Variants in HIVEP1 observed in about 807,000 individuals in gnomAD.
HIVEP1 encodes the protein zinc finger protein 40.
In HIVEP1, 36 loss-of-function variants were observed where a neutral mutation model predicts 180.0. That is an observed-to-expected ratio of 0.20 (90% CI 0.15 to 0.26). HIVEP1 has a LOEUF of 0.26. Among genes scored for constraint, HIVEP1 ranks in the 10% least tolerant of loss-of-function variants. The pLI is 1.00. For synonymous variants in HIVEP1, 1,239 were observed against 1,239.0 expected (o/e 1.00, Z 0.00); for missense variants, 3,143 against 3,268.7 (o/e 0.96, Z 0.94).
At chr6:12,111,639 T>A (rs1397000117) in intron 3 of HIVEP1, among the ~76,000 whole-genome samples, 1 of 152,272 alleles carries the variant, frequency 6.6e-6, no homozygotes, top group Admixed American at 6.5e-5. Flanking sequence ...TTTCTCCGTC[T>A]TGAAAGCCAG....
chr6:12,019,953 G>T (rs1768078126), intron 2 of HIVEP1, among the ~76,000 whole-genome samples: 1 of 152,204 alleles, frequency 6.6e-6, no homozygotes, highest in African/African-American at 2.4e-5. Flanking sequence ...ATCTATCATG[G>T]AAGAGTATAG....
chr6:12,152,297 A>G (rs1434765699), intron 7 of HIVEP1, among the ~76,000 whole-genome samples: 1 of 152,188 alleles, frequency 6.6e-6, no homozygotes, highest in Non-Finnish European at 1.5e-5. Context: ...TGAGTCCATA[A>G]CAAGTCCTCG....
At chr6:12,099,183 G>GGTTTTTTTTTTTT (rs373744044) in intron 3 of HIVEP1, among the ~76,000 whole-genome samples, 10 of 138,440 alleles carry the variant, frequency 7.2e-5, no homozygotes, top group African/African-American at 2.7e-4. Flanking sequence ...ATGTCACTGA[G>GGTTTTTTTTTTTT]TTTTTTTTTT....
At chr6:12,051,012 A>ATATATATG (rs1475918729) in intron 2 of HIVEP1, among the ~76,000 whole-genome samples, 1 of 124,946 alleles carries the variant, frequency 8.0e-6, no homozygotes, top group Non-Finnish European at 1.6e-5. Context: ...ATATATATAT[A>ATATATATG]TATATATATA....
chr6:12,159,734 T>C (rs1385736773), intron 7 of HIVEP1, among the ~76,000 whole-genome samples: 1 of 152,230 alleles, frequency 6.6e-6, no homozygotes, highest in Non-Finnish European at 1.5e-5. Context: ...TCATTACTTA[T>C]TTTACAGCAT....
downstream of HIVEP1, among the ~76,000 whole-genome samples, chr6:12,167,636 TATACATATACATATATATGTTATATA>T (rs1562023579): frequency 1.5e-4 from 4 of 27,546 alleles, 1 homozygote; most frequent in East Asian, 1.4e-3. Flanking sequence ...ACATGTTATA[TATACATATACATATATATGTTATATA>T]TACATATATA....
intron 1 of HIVEP1, chr6:12,012,849 G>C (rs1767462675): frequency 6.5e-6 from 1 of 153,472 alleles, no homozygotes. Context: ...TTGCAAGAGG[G>C]TGGGGGGTGA....
the HIVEP1 span, among the ~76,000 whole-genome samples, chr6:12,178,510 A>C: frequency 2.0e-5 from 3 of 152,364 alleles, no homozygotes; most frequent in Admixed American, 6.5e-5. Flanking sequence ...AATAAAGGAC[A>C]TCTTTAATAA....
At chr6:12,094,649 C>G (rs1355463705) in intron 3 of HIVEP1, among the ~76,000 whole-genome samples, 1 of 151,934 alleles carries the variant, frequency 6.6e-6, no homozygotes, top group East Asian at 1.9e-4. Flanking sequence ...CCAATTTGGT[C>G]ATGATGTTTA....
At chr6:12,170,441 A>G in the HIVEP1 span, among the ~76,000 whole-genome samples, 1 of 152,168 alleles carries the variant, frequency 6.6e-6, no homozygotes, top group Admixed American at 6.5e-5. Flanking sequence ...CGTGCCATCT[A>G]TAATCTTATG....
chr6:12,097,797 A>AT (rs1208777361), intron 3 of HIVEP1, among the ~76,000 whole-genome samples: 3 of 152,184 alleles, frequency 2.0e-5, no homozygotes, highest in Non-Finnish European at 4.4e-5. Context: ...TAAACAAAGC[A>AT]TTTTGTAGTA....
intron 7 of HIVEP1, among the ~76,000 whole-genome samples, chr6:12,147,401 G>T (rs890876792): frequency 1.1e-4 from 17 of 152,116 alleles, no homozygotes; most frequent in Admixed American, 1.1e-3. Context: ...TAAAGCTATT[G>T]CCCCTTTAGG....
At chr6:12,202,465 T>C in the HIVEP1 span, among the ~76,000 whole-genome samples, 2 of 152,192 alleles carry the variant, frequency 1.3e-5, no homozygotes, top group Non-Finnish European at 1.5e-5. Context: ...GAGAGATTAT[T>C]CTACTTCATA....
At chr6:12,197,679 T>C in the HIVEP1 span, among the ~76,000 whole-genome samples, 1 of 151,938 alleles carries the variant, frequency 6.6e-6, no homozygotes, top group African/African-American at 2.4e-5. Context: ...GTCTTATGAA[T>C]TATGTGGGAG....
the HIVEP1 span, among the ~76,000 whole-genome samples, chr6:12,211,744 G>A: frequency 6.6e-6 from 1 of 151,992 alleles, no homozygotes; most frequent in African/African-American, 2.4e-5. Flanking sequence ...TTGGTCCATG[G>A]TGAACATCAT....
At position 12,038,098 on chromosome 6, in the gene HIVEP1, G is replaced by A. The variant is rs140596647; in HGVS notation, c.40+22430G>A. 3.2e-3 allele frequency: 731 copies of A among 231,462 alleles called. 10 individuals carry two copies. The highest frequency in any genetic ancestry group is 0.014 in the African/African-American group (638 of 44,670). 14.3% of individuals were successfully genotyped at this position (231,462 alleles called of 1,614,324 possible). ...GATGTATCTGTTAGACATTAATACC[G>A]TGCAAATTCAGTATGTTTTAGTGTT... is the stretch of plus-strand genomic sequence containing the variant. On this transcript the variant is annotated intron_variant, in intron 2 of 8. Coordinates refer to ENST00000379388, the MANE Select transcript of HIVEP1 (RefSeq NM_002114.4).
At chr6:12,103,420 T>G (rs1000403082) in intron 3 of HIVEP1, among the ~76,000 whole-genome samples, 3 of 152,120 alleles carry the variant, frequency 2.0e-5, no homozygotes, top group Non-Finnish European at 4.4e-5. Flanking sequence ...GGCTTCCCTG[T>G]CTTCAGAGCT....
chr6:12,161,855 A>T lies in HIVEP1; in HGVS notation c.6904A>T (p.Met2302Leu). Residue 2302 changes from methionine (M) to leucine (L), a missense_variant, in exon 8 of 9, where the codon ATG becomes TTG. Physicochemically the swap from Met to Leu is conservative, Grantham distance 15. This residue lies in a region of HIVEP1 where 595 missense variants were observed against 602.2 expected (regional missense o/e 0.99). Transcript: ENST00000379388. ...VDTSRSPCHQ[M>L]SVDYPESEEI... ...CACTTCCAGGTCCCCGTGTCATCAG[A>T]TGTCTGTGGACTACCCTGAGTCAGA... The T allele has an allele frequency of 6.2e-7, 1 of 1,614,036 alleles. No individual in the cohort carries two copies. Among genetic ancestry groups the T allele is most frequent in the Non-Finnish European group, 8.5e-7 (1 of 1,179,982 alleles).
intron 2 of HIVEP1, among the ~76,000 whole-genome samples, chr6:12,059,360 A>C (rs920396114): frequency 2.6e-5 from 4 of 152,020 alleles, no homozygotes; most frequent in Non-Finnish European, 2.9e-5. Context: ...TTCTTATCCT[A>C]CATTTTTTGG....
Sources: allele counts gnomAD v4.1 joint callset (sites outside exome capture counted in the v4.1 genomes callset), GRCh38; gene constraint gnomAD v4.1.1; regional missense constraint gnomAD v4.1.1; transcripts MANE v1.5; gene names NCBI Gene and HGNC (gene_info 2026-07-23, HGNC 2026-07-21).